Variants in CLIC6 observed in about 807,000 individuals in gnomAD.
The protein encoded by CLIC6 is CLIC family member 6, also known as chloride intracellular channel protein 6.
Under a neutral mutation model 49.2 loss-of-function variants are expected in CLIC6, and 39 were observed. That is an observed-to-expected ratio of 0.79 (90% CI 0.61 to 1.04). The LOEUF (loss-of-function observed/expected upper bound fraction) is 1.04, where lower values mean the gene tolerates loss of function less well. Ranked by LOEUF, CLIC6 falls within the 50% of genes least tolerant of loss-of-function variation. CLIC6 has a pLI of 0.00. For missense variants in CLIC6, 988 were observed against 993.1 expected, an observed-to-expected ratio of 0.99 and a Z score of 0.07; for synonymous variants, 446 against 433.4, an observed-to-expected ratio of 1.03 and a Z score of -0.36.
intron 1 of CLIC6, among the ~76,000 whole-genome samples, chr21:34,699,238 T>C (rs1231430595): frequency 6.6e-6 from 1 of 152,046 alleles, no homozygotes; most frequent in Non-Finnish European, 1.5e-5. Flanking sequence ...GAATGGTAGC[T>C]GTCATGTTTT....
chr21:34,683,741 C>G (rs1989823428), intron 1 of CLIC6, among the ~76,000 whole-genome samples: 1 of 152,160 alleles, frequency 6.6e-6, no homozygotes, highest in Non-Finnish European at 1.5e-5. Context: ...GTAAGATGTG[C>G]CTTGCTTCCT....
Position 34,669,698 on chromosome 21 carries a change from G to A in CLIC6, c.310G>A (p.Gly104Ser), listed in dbSNP as rs1165128795. Residue 104 changes from glycine to serine, a missense_variant, in exon 1 of 6, where the codon GGC becomes AGC. This residue lies in a region of CLIC6 where 284 missense variants were observed against 278.6 expected (regional missense o/e 1.02). Coordinates refer to ENST00000349499, the MANE Select transcript of CLIC6 (RefSeq NM_053277.3). ...EVPQGGEETS[G>S]AQQVEGASPG... ...GCCCCAAGGAGGGGAGGAGACAAGC[G>A]GCGCGCAGCAGGTGGAGGGGGCGAG... 8 of 1,363,926 alleles carry A rather than the reference G, an allele frequency of 5.9e-6. No individual in the cohort carries two copies. The East Asian group carries it at 9.3e-5, about 16-fold the overall frequency. 84.5% of individuals were successfully genotyped at this position (1,363,926 alleles called of 1,614,324 possible). A position where few individuals can be genotyped will look rare whatever the true frequency, so the allele number is the denominator to read the frequency against.
chr21:34,669,819 G>A lies in CLIC6; in HGVS notation c.431G>A (p.Arg144Lys), dbSNP rs1237119919. The stretch of plus-strand genomic sequence containing the variant: ...GAGAGGCAGGAGGAGGCGGAGCAGA[G>A]GCCTGAGGTCCCGGAAGGTAGCGCG... ...APERQEEAEQRPEVPEGSASG... is the reference protein window; with the variant it reads ...APERQEEAEQKPEVPEGSASG... Residue 144 changes from arginine to lysine, a missense_variant, in exon 1 of 6, where the codon AGG becomes AAG. Physicochemically the swap from Arg to Lys is conservative, Grantham distance 26. Coordinates refer to ENST00000349499, the MANE Select transcript of CLIC6 (RefSeq NM_053277.3). 2 of 1,421,888 alleles carry A rather than the reference G, an allele frequency of 1.4e-6. No homozygotes were observed. Among genetic ancestry groups the A allele is most frequent in the African/African-American group, 3.0e-5 (2 of 65,978 alleles). The allele number at this position is 1,421,888 out of a possible 1,614,324, so 88.1% of individuals were successfully genotyped here. A position where few individuals can be genotyped will look rare whatever the true frequency, so the allele number is the denominator to read the frequency against.
At chr21:34,704,155 A>T (rs1398135306) in intron 1 of CLIC6, among the ~76,000 whole-genome samples, 1 of 152,224 alleles carries the variant, frequency 6.6e-6, no homozygotes, top group East Asian at 1.9e-4. Context: ...CGACAGTGTC[A>T]GTTATTCCCT....
chr21:34,711,601 G>C (rs2056057432), intron 5 of CLIC6, among the ~76,000 whole-genome samples: 1 of 152,224 alleles, frequency 6.6e-6, no homozygotes, highest in South Asian at 2.1e-4. Flanking sequence ...AGTCTATGGT[G>C]CTGAGGCTCC....
intron 5 of CLIC6, among the ~76,000 whole-genome samples, chr21:34,716,111 T>C (rs1268615785): frequency 6.6e-6 from 1 of 152,214 alleles, no homozygotes; most frequent in Non-Finnish European, 1.5e-5. Context: ...GTGCAGTCAC[T>C]GTAGTGAGTA....
chr21:34,708,244 G>T (rs1262546556), intron 3 of CLIC6, among the ~76,000 whole-genome samples, 175 bp downstream of exon 3: 2 of 152,136 alleles, frequency 1.3e-5, no homozygotes, highest in East Asian at 1.9e-4. Flanking sequence ...GGGTTTCATT[G>T]TGCTGCACCT....
intron 3 of CLIC6, 31 bp from the exon 4 acceptor site, chr21:34,708,669 T>C (rs1458933308): frequency 7.0e-7 from 1 of 1,430,868 alleles, no homozygotes; most frequent in African/African-American, 1.4e-5. Flanking sequence ...ACATCACTTG[T>C]CTGTGATCCT....
At chr21:34,702,369 C>T (rs535254576) in intron 1 of CLIC6, among the ~76,000 whole-genome samples, 1 of 152,070 alleles carries the variant, frequency 6.6e-6, no homozygotes, top group African/African-American at 2.4e-5. Context: ...GGCGTGGGGG[C>T]GCAGGCTGGG....
At position 34,700,910 on chromosome 21, in the gene CLIC6, C is replaced by T. The variant is rs199796395; in HGVS notation, c.1375-6370C>T. Among the ~76,000 whole-genome samples, 6 of 139,620 alleles carry T rather than the reference C, an allele frequency of 4.3e-5. No individual in the cohort carries two copies. The East Asian group carries it at 1.0e-3, about 24-fold the overall frequency. The allele number at this position is 139,620 out of a possible 152,430, so 91.6% of individuals were successfully genotyped here. On this transcript the variant is annotated intron_variant, in intron 1 of 5. Coordinates refer to ENST00000349499, the MANE Select transcript of CLIC6 (RefSeq NM_053277.3). ...GACCTTTCACAAGAGGTTTGTCTGG[C>T]TCCTAGATACGAATGCCTGGCCAGG...
intron 1 of CLIC6, among the ~76,000 whole-genome samples, chr21:34,684,591 G>A (rs902313118): frequency 6.6e-6 from 1 of 152,152 alleles, no homozygotes; most frequent in Admixed American, 6.5e-5. Context: ...TTTCACCTAA[G>A]CCAGTGATGT....
chr21:34,696,306 C>G (rs1326786924), intron 1 of CLIC6, among the ~76,000 whole-genome samples: 1 of 152,214 alleles, frequency 6.6e-6, no homozygotes, highest in African/African-American at 2.4e-5. Flanking sequence ...CATTTTCTGT[C>G]CTAACCACTG....
At chr21:34,699,038 G>C (rs13051939) in intron 1 of CLIC6, among the ~76,000 whole-genome samples, 1 of 152,172 alleles carries the variant, frequency 6.6e-6, no homozygotes, top group South Asian at 2.1e-4. Context: ...GCGAGAGAGA[G>C]AGCGCACTTT....
chr21:34,695,238 C>G (rs1463405216), intron 1 of CLIC6, among the ~76,000 whole-genome samples: 1 of 152,220 alleles, frequency 6.6e-6, no homozygotes, highest in East Asian at 1.9e-4. Context: ...TCCGTCTTTA[C>G]TCCAGCCATA....
intron 2 of CLIC6, 88 bp from the exon 3 acceptor site, chr21:34,707,856 C>T (rs2056026350): frequency 6.9e-7 from 1 of 1,456,290 alleles, no homozygotes; most frequent in Non-Finnish European, 9.5e-7. Flanking sequence ...AGTTGCTTCT[C>T]TTAAACTGGT....
Position 34,679,757 on chromosome 21 carries a change from C to A in CLIC6, c.1374+8995C>A, listed in dbSNP as rs1016272427. ...GAAATTCCACAGGGCAGTCATTAAA[C>A]CTTCAAGTTCCAAAATGATCTCCTT... On this transcript the variant is annotated intron_variant, in intron 1 of 5. Transcript: ENST00000349499. 7.9e-5 allele frequency among the ~76,000 whole-genome samples: 12 copies of A among 152,322 alleles called. No individual in the cohort carries two copies. In the South Asian group the frequency reaches 8.3e-4, roughly 11 times the overall value.
At chr21:34,709,279 G>A (rs1279840854) in intron 4 of CLIC6, 78 bp from the exon 5 acceptor site, 4 of 1,334,718 alleles carry the variant, frequency 3.0e-6, no homozygotes, top group Non-Finnish European at 4.2e-6. Flanking sequence ...AGGAAGGGAA[G>A]CAAACTCCAT....
chr21:34,676,220 C>T (rs8127812), intron 1 of CLIC6, among the ~76,000 whole-genome samples: 31,069 of 152,154 alleles, frequency 0.2, 3,251 homozygotes, highest in South Asian at 0.23. Context: ...TGTATTGTGT[C>T]CTTTCGGACA....
In CLIC6 at chr21:34,670,515, G is replaced by T. The variant is rs1462564399; in HGVS notation, c.1127G>T (p.Arg376Leu). Reference sequence around the variant, plus strand: ...GGGGAGGACGAAGAGAGACGAGAGCGGAGCCCGGAGGGGCCAAGGGAGGAG... The same window carrying T: ...GGGGAGGACGAAGAGAGACGAGAGCTGAGCCCGGAGGGGCCAAGGGAGGAG... ...EPGEDEERRERSPEGPREEEA... is the reference protein window; with the variant it reads ...EPGEDEERRELSPEGPREEEA... Residue 376 changes from arginine (R) to leucine (L), a missense_variant, in exon 1 of 6, where the codon CGG becomes CTG. Transcript: ENST00000349499. 1 of 1,494,230 alleles carries T rather than the reference G, an allele frequency of 6.7e-7. No individual in the cohort carries two copies. The highest frequency in any genetic ancestry group is 2.5e-5 in the East Asian group (1 of 39,960). The allele number at this position is 1,494,230 out of a possible 1,614,324, so 92.6% of individuals were successfully genotyped here.
Sources: allele counts gnomAD v4.1 joint callset (sites outside exome capture counted in the v4.1 genomes callset), GRCh38; gene constraint gnomAD v4.1.1; regional missense constraint gnomAD v4.1.1; transcripts MANE v1.5; gene names NCBI Gene and HGNC (gene_info 2026-07-23, HGNC 2026-07-21).